Variants in CHSY3 observed in about 807,000 individuals in gnomAD.
The protein encoded by CHSY3 is chondroitin sulfate synthase 3.
CHSY3 carries 35 observed loss-of-function variants against 67.2 expected under a neutral mutation model. The observed-to-expected ratio is 0.52, with a 90% CI of 0.40 to 0.69. The LOEUF (loss-of-function observed/expected upper bound fraction) is 0.69, where lower values mean the gene tolerates loss of function less well. Among genes scored for constraint, CHSY3 ranks in the 30% least tolerant of loss-of-function variants. The pLI is 0.00. For missense variants in CHSY3, 1,069 were observed against 1,138.5 expected (o/e 0.94, Z 0.88); for synonymous variants, 474 against 434.7 (o/e 1.09, Z -1.12).
At chr5:130,086,663 C>A (rs1388907455) in intron 2 of CHSY3, among the ~76,000 whole-genome samples, 2 of 152,062 alleles carry the variant, frequency 1.3e-5, no homozygotes, top group Admixed American at 6.6e-5. Context: ...CAAGACTCAA[C>A]CAGGAAGAAG....
chr5:130,149,224 T>C (rs1484169336), intron 2 of CHSY3, among the ~76,000 whole-genome samples: 1 of 152,140 alleles, frequency 6.6e-6, no homozygotes, highest in Non-Finnish European at 1.5e-5. Flanking sequence ...TGGTACCAAT[T>C]TTCTGTATTA....
At chr5:129,923,209 G>A (rs1760980224) in intron 2 of CHSY3, among the ~76,000 whole-genome samples, 1 of 94,088 alleles carries the variant, frequency 1.1e-5, no homozygotes, top group African/African-American at 4.3e-5. Context: ...TGGGATGTGG[G>A]AATTTTTAAG....
chr5:129,929,240 A>T (rs1581375885), intron 2 of CHSY3, among the ~76,000 whole-genome samples: 1 of 152,204 alleles, frequency 6.6e-6, no homozygotes, highest in Non-Finnish European at 1.5e-5. Flanking sequence ...TTGTTGTTCT[A>T]GGAGAGATCT....
chr5:130,164,836 C>G (rs1580793539), intron 2 of CHSY3, among the ~76,000 whole-genome samples: 1 of 152,148 alleles, frequency 6.6e-6, no homozygotes, highest in East Asian at 1.9e-4. Context: ...AAAATGGCAC[C>G]TAGTACCAGG....
intron 2 of CHSY3, among the ~76,000 whole-genome samples, chr5:130,143,798 A>ATGTGTG (rs1384663917): frequency 1.2e-3 from 111 of 89,174 alleles, no homozygotes; most frequent in South Asian, 2.7e-3. Context: ...ATATATATAT[A>ATGTGTG]TATATATGTG....
chr5:130,073,250 A>C (rs1279999515), intron 2 of CHSY3, among the ~76,000 whole-genome samples: 1 of 152,104 alleles, frequency 6.6e-6, no homozygotes, highest in Admixed American at 6.6e-5. Context: ...ATGTCATATT[A>C]TACCCCATAA....
intron 2 of CHSY3, among the ~76,000 whole-genome samples, chr5:130,071,625 T>C (rs1766073145): frequency 2.0e-5 from 3 of 151,328 alleles, no homozygotes; most frequent in African/African-American, 4.8e-5. Flanking sequence ...TGATGGACAG[T>C]TAGATTTCTT....
intron 2 of CHSY3, among the ~76,000 whole-genome samples, chr5:130,100,350 ATTTT>A (rs3065055): frequency 2.0e-4 from 26 of 131,666 alleles, no homozygotes; most frequent in African/African-American, 5.8e-4. Flanking sequence ...ATGCTTGGCT[ATTTT>A]TTTTTTTTTT....
At chr5:130,176,254 C>T (rs1179907271) in intron 2 of CHSY3, among the ~76,000 whole-genome samples, 2 of 151,980 alleles carry the variant, frequency 1.3e-5, no homozygotes, top group East Asian at 3.9e-4. Context: ...AAAAAAAAAG[C>T]CCATCATCAC....
intron 2 of CHSY3, among the ~76,000 whole-genome samples, chr5:130,126,956 T>C (rs1423077435): frequency 6.6e-6 from 1 of 152,158 alleles, no homozygotes; most frequent in Non-Finnish European, 1.5e-5. Flanking sequence ...GCTCATGGCC[T>C]GTGTGGCTAT....
At chr5:130,131,470 TA>T (rs1768482106) in intron 2 of CHSY3, among the ~76,000 whole-genome samples, 1 of 152,172 alleles carries the variant, frequency 6.6e-6, no homozygotes, top group Non-Finnish European at 1.5e-5. Context: ...CACTTAAACT[TA>T]GCATTATTAC....
At chr5:129,975,562 T>G (rs2149617351) in intron 2 of CHSY3, among the ~76,000 whole-genome samples, 1 of 152,260 alleles carries the variant, frequency 6.6e-6, no homozygotes, top group African/African-American at 2.4e-5. Flanking sequence ...AATATAAAAC[T>G]TAAATAGAAA....
intron 2 of CHSY3, among the ~76,000 whole-genome samples, chr5:130,108,006 C>G (rs1767466099): frequency 6.6e-6 from 1 of 151,618 alleles, no homozygotes; most frequent in Admixed American, 6.6e-5. Flanking sequence ...AATTTATCAA[C>G]CAACTGTAAG....
At chr5:130,178,229 A>ATT (rs1770121522) in intron 2 of CHSY3, among the ~76,000 whole-genome samples, 3 of 54,422 alleles carry the variant, frequency 5.5e-5, no homozygotes, top group African/African-American at 7.5e-5. Context: ...ATTTATATTT[A>ATT]TATATATATA....
At chr5:130,159,880 T>C (rs1769479740) in intron 2 of CHSY3, among the ~76,000 whole-genome samples, 1 of 152,194 alleles carries the variant, frequency 6.6e-6, no homozygotes, top group South Asian at 2.1e-4. Context: ...AGTTTCTTGG[T>C]AGAAGTGCAT....
chr5:130,129,330 G>C (rs1437605945), intron 2 of CHSY3, among the ~76,000 whole-genome samples: 1 of 152,120 alleles, frequency 6.6e-6, no homozygotes, highest in Non-Finnish European at 1.5e-5. Flanking sequence ...ATGTGCCATG[G>C]TGGTAACATG....
chr5:130,151,415 C>G (rs1040000988), intron 2 of CHSY3, among the ~76,000 whole-genome samples: 3 of 152,188 alleles, frequency 2.0e-5, no homozygotes, highest in Non-Finnish European at 4.4e-5. Context: ...AAAGCAAGTA[C>G]TGACATGCTC....
chr5:129,904,734 G>A lies in CHSY3; in HGVS notation c.-96G>A, dbSNP rs940794580. On this transcript the variant is annotated 5_prime_UTR_variant, in exon 1 of 3. Coordinates refer to ENST00000305031, the MANE Select transcript of CHSY3 (RefSeq NM_175856.5). ...TAGGCGGCCGGCTGCGGCCGCGGCT[G>A]GGGGCGCAAAGGCGGAGGAGGGGCG... The A allele has an allele frequency of 2.3e-5, 28 of 1,231,426 alleles. No homozygotes were observed. The highest frequency in any genetic ancestry group is 3.1e-4 in the Middle Eastern group (1 of 3,200). 76.3% of individuals were successfully genotyped at this position (1,231,426 alleles called of 1,614,324 possible).
chr5:130,052,785 T>C (rs1328790345), intron 2 of CHSY3, among the ~76,000 whole-genome samples: 1 of 152,178 alleles, frequency 6.6e-6, no homozygotes, highest in Non-Finnish European at 1.5e-5. Context: ...AATTTATCCT[T>C]TCTGCCTCTA....
Sources: allele counts gnomAD v4.1 joint callset (sites outside exome capture counted in the v4.1 genomes callset), GRCh38; gene constraint gnomAD v4.1.1; transcripts MANE v1.5; gene names NCBI Gene and HGNC (gene_info 2026-07-23, HGNC 2026-07-21).